Variants in SH3PXD2B observed in about 807,000 individuals in gnomAD.
SH3PXD2B encodes SH3 and PX domain-containing protein 2B.
A neutral mutation model predicts 73.1 loss-of-function variants in SH3PXD2B; 37 were observed. That is an observed-to-expected ratio of 0.51 (90% CI 0.39 to 0.67). SH3PXD2B has a LOEUF of 0.67. Among genes scored for constraint, SH3PXD2B ranks in the 30% least tolerant of loss-of-function variants. The probability of loss-of-function intolerance (pLI) is 0.00; values close to 1 mark genes in which losing one functional copy is unlikely to be tolerated. For synonymous variants in SH3PXD2B, 457 were observed against 480.5 expected, an observed-to-expected ratio of 0.95 and a Z score of 0.64; for missense variants, 1,053 against 1,197.8, an observed-to-expected ratio of 0.88 and a Z score of 1.78.
At chr5:172,354,255 T>G (rs956749403) in intron 8 of SH3PXD2B, among the ~76,000 whole-genome samples, 2 of 152,188 alleles carry the variant, frequency 1.3e-5, no homozygotes, top group Non-Finnish European at 1.5e-5. Context: ...CAATCTGTGC[T>G]TCGAGTTCAC....
intron 12 of SH3PXD2B, among the ~76,000 whole-genome samples, chr5:172,343,853 GGCT>G (rs1756916369): frequency 6.6e-6 from 1 of 151,662 alleles, no homozygotes; most frequent in Non-Finnish European, 1.5e-5. Flanking sequence ...AAAGAGTGTG[GGCT>G]TTAAAACCAG....
At chr5:172,438,020 G>A (rs954144407) in intron 1 of SH3PXD2B, among the ~76,000 whole-genome samples, 1 of 152,186 alleles carries the variant, frequency 6.6e-6, no homozygotes, top group Non-Finnish European at 1.5e-5. Context: ...TGCTCGAAGG[G>A]CCTCAATCGA....
downstream of SH3PXD2B, among the ~76,000 whole-genome samples, chr5:172,329,079 A>ATTTTTTTTTTT (rs1386540665): frequency 1.6e-5 from 1 of 64,504 alleles, no homozygotes; most frequent in Non-Finnish European, 3.0e-5. Flanking sequence ...ATATATATAT[A>ATTTTTTTTTTT]TATATTTTTT....
chr5:172,430,464 G>A (rs1759209297), intron 1 of SH3PXD2B, among the ~76,000 whole-genome samples: 1 of 152,232 alleles, frequency 6.6e-6, no homozygotes. Context: ...CTCCCCATGG[G>A]TGCCTGTGGG....
rs550654912 is a variant in SH3PXD2B, at chr5:172,416,912, T to C, written c.156+5504A>G. Among the ~76,000 whole-genome samples the C allele has an allele frequency of 7.2e-5, 11 of 152,096 alleles. No individual in the cohort carries two copies. In the South Asian group the frequency reaches 1.0e-3, roughly 14 times the overall value. On this transcript the variant is annotated intron_variant, in intron 2 of 12. Coordinates refer to ENST00000311601, the MANE Select transcript of SH3PXD2B (RefSeq NM_001017995.3). ...TTTGTAGAGATGGGATCTTGTTTTG[T>C]TGGCCAGACTGGTCTTGAATTTCTG...
At chr5:172,434,498 C>G (rs73804842) in intron 1 of SH3PXD2B, among the ~76,000 whole-genome samples, 2 of 152,172 alleles carry the variant, frequency 1.3e-5, no homozygotes, top group Non-Finnish European at 2.9e-5. Flanking sequence ...GAAACAGCTG[C>G]CGCCCTGCTT....
intron 5 of SH3PXD2B, among the ~76,000 whole-genome samples, chr5:172,376,071 G>A (rs903810383): frequency 6.9e-6 from 1 of 145,048 alleles, no homozygotes; most frequent in South Asian, 2.2e-4. Flanking sequence ...ACTCTGTTGC[G>A]CAGGCTGGAG....
chr5:172,333,467 T>G, downstream of SH3PXD2B: 1 of 1,136,660 alleles, frequency 8.8e-7, no homozygotes, highest in Non-Finnish European at 1.1e-6. Context: ...GTACCCTTTC[T>G]CCTGCCAAAT....
At chr5:172,372,332 C>T (rs2468435) in intron 6 of SH3PXD2B, among the ~76,000 whole-genome samples, 49,792 of 151,656 alleles carry the variant, frequency 0.33, 8,685 homozygotes, top group East Asian at 0.68. Flanking sequence ...TGTAGCACTG[C>T]CCCTCTCTCT....
chr5:172,406,402 ACAT>A (rs1485039720), intron 2 of SH3PXD2B, 50 bp from the exon 3 acceptor site: 1 of 1,569,594 alleles, frequency 6.4e-7, no homozygotes, highest in African/African-American at 1.4e-5. Context: ...AATGCACTAA[ACAT>A]CATCTAGGAC....
chr5:172,416,696 C>CTTTTTT (rs202242720), intron 2 of SH3PXD2B, among the ~76,000 whole-genome samples: 2 of 62,262 alleles, frequency 3.2e-5, no homozygotes, highest in Non-Finnish European at 6.1e-5. Flanking sequence ...CTCTCTCTCT[C>CTTTTTT]TTTTTTTTTT....
intron 1 of SH3PXD2B, among the ~76,000 whole-genome samples, chr5:172,430,368 T>C (rs1561938036): frequency 6.6e-6 from 1 of 152,174 alleles, no homozygotes; most frequent in African/African-American, 2.4e-5. Flanking sequence ...TGCAGGGGGA[T>C]GGCCCCCATA....
At chr5:172,351,046 C>T (rs1245842135) in intron 9 of SH3PXD2B, among the ~76,000 whole-genome samples, 3 of 152,234 alleles carry the variant, frequency 2.0e-5, no homozygotes, top group Non-Finnish European at 4.4e-5. Flanking sequence ...ATCACTAAAC[C>T]GCAGAGTGAT....
At chr5:172,432,522 G>A (rs373641734) in intron 1 of SH3PXD2B, among the ~76,000 whole-genome samples, 4 of 152,174 alleles carry the variant, frequency 2.6e-5, no homozygotes, top group East Asian at 3.9e-4. Flanking sequence ...CGCTCTGCAC[G>A]TGCCCATGTC....
At chr5:172,351,110 T>C (rs1164854818) in intron 9 of SH3PXD2B, among the ~76,000 whole-genome samples, 2 of 152,188 alleles carry the variant, frequency 1.3e-5, no homozygotes, top group African/African-American at 4.8e-5. Flanking sequence ...TCAATGAGTG[T>C]CATCATCTCT....
At chr5:172,425,226 T>A (rs1325086562) in intron 1 of SH3PXD2B, among the ~76,000 whole-genome samples, 3 of 151,846 alleles carry the variant, frequency 2.0e-5, no homozygotes, top group African/African-American at 7.3e-5. Context: ...ACTCATTCAG[T>A]CTTCAACATC....
Position 172,445,032 on chromosome 5 carries a change from C to A in SH3PXD2B, c.75+9246G>T, listed in dbSNP as rs905498511. ...ACGCCATGTGCCAGGGTTTCCATTT[C>A]TTTGCCCTCCTGTTCTCTCTACCTG... is the stretch of plus-strand genomic sequence containing the variant. On this transcript the variant is annotated intron_variant, in intron 1 of 12. Transcript: ENST00000311601. This position sits in a 1 kb window ranked among gnomAD's most constrained non-coding sequence, Gnocchi z 5.2. Among the ~76,000 whole-genome samples the A allele has an allele frequency of 6.6e-6, 1 of 152,198 alleles. No individual in the cohort carries two copies. Among genetic ancestry groups the A allele is most frequent in the African/African-American group, 2.4e-5 (1 of 41,446 alleles).
intron 12 of SH3PXD2B, among the ~76,000 whole-genome samples, chr5:172,343,105 T>C (rs1392377512): frequency 6.6e-6 from 1 of 152,184 alleles, no homozygotes; most frequent in Non-Finnish European, 1.5e-5. Flanking sequence ...TGCGATTAAA[T>C]TAGAGTGGAG....
intron 10 of SH3PXD2B, among the ~76,000 whole-genome samples, chr5:172,349,271 G>A (rs1481974988): frequency 6.6e-6 from 1 of 152,198 alleles, no homozygotes; most frequent in Non-Finnish European, 1.5e-5. Flanking sequence ...GCCCCGCCAG[G>A]GGCAGTGGCC....
Sources: allele counts gnomAD v4.1 joint callset (sites outside exome capture counted in the v4.1 genomes callset), GRCh38; gene constraint gnomAD v4.1.1; non-coding constraint Gnocchi (gnomAD v3.1); transcripts MANE v1.5; gene names NCBI Gene and HGNC (gene_info 2026-07-23, HGNC 2026-07-21).